Variants in DPP6 observed in about 807,000 individuals in gnomAD.
DPP6 encodes dipeptidyl peptidase like 6, also known as A-type potassium channel modulatory protein DPP6.
In DPP6, 69 loss-of-function variants were observed where a neutral mutation model predicts 122.6. The observed-to-expected ratio is 0.56, with a 90% CI of 0.46 to 0.69. The LOEUF (loss-of-function observed/expected upper bound fraction) is 0.69. Ranked by LOEUF, DPP6 falls within the 30% of genes least tolerant of loss-of-function variation. The pLI is 0.00. For synonymous variants in DPP6, 418 were observed against 433.1 expected, an observed-to-expected ratio of 0.97 and a Z score of 0.43; for missense variants, 928 against 1,116.9, an observed-to-expected ratio of 0.83 and a Z score of 2.41.
At chr7:154,770,297 G>A (rs760954368) in intron 9 of DPP6, among the ~76,000 whole-genome samples, 6 of 152,070 alleles carry the variant, frequency 3.9e-5, no homozygotes, top group Non-Finnish European at 7.4e-5. Flanking sequence ...AGTTTGTGCC[G>A]GGAAACTCAC....
chr7:154,496,422 T>C (rs1382921462), intron 3 of DPP6, among the ~76,000 whole-genome samples: 1 of 152,240 alleles, frequency 6.6e-6, no homozygotes, highest in African/African-American at 2.4e-5. Context: ...AGATTTTTTT[T>C]ACTATGTGAG....
At chr7:154,156,205 G>C (rs553261333) in intron 1 of DPP6, among the ~76,000 whole-genome samples, 1 of 152,388 alleles carries the variant, frequency 6.6e-6, no homozygotes, top group South Asian at 2.1e-4. Context: ...TCCCAGGAGA[G>C]TGGGGAGGTG....
intron 1 of DPP6, among the ~76,000 whole-genome samples, chr7:154,158,118 A>C (rs1796785009): frequency 6.7e-6 from 1 of 149,824 alleles, no homozygotes; most frequent in Admixed American, 6.7e-5. Flanking sequence ...ATTATGTTTC[A>C]ATTTTGGTTA....
intron 1 of DPP6, among the ~76,000 whole-genome samples, chr7:154,217,245 G>T (rs1258977737): frequency 1.3e-5 from 2 of 152,068 alleles, no homozygotes; most frequent in African/African-American, 4.8e-5. Context: ...TGGGAGCATT[G>T]GTGCGGGTTA....
intron 1 of DPP6, among the ~76,000 whole-genome samples, chr7:153,996,712 T>C (rs1395611029): frequency 1.3e-5 from 2 of 152,108 alleles, no homozygotes; most frequent in Middle Eastern, 3.2e-3. Flanking sequence ...TTTATGTTGT[T>C]GAATATTTAA....
intron 1 of DPP6, among the ~76,000 whole-genome samples, chr7:154,240,805 A>G (rs1484936606): frequency 6.6e-6 from 1 of 152,196 alleles, no homozygotes; most frequent in Non-Finnish European, 1.5e-5. Flanking sequence ...CTCTCCTCGG[A>G]ATATCAACAA....
chr7:154,575,416 ATGTGTGTGTGGTGTG>A (rs1831546981), intron 5 of DPP6, among the ~76,000 whole-genome samples: 5 of 35,880 alleles, frequency 1.4e-4, no homozygotes, highest in Admixed American at 4.0e-4. Context: ...GTGTTTGTGT[ATGTGTGTGTGGTGTG>A]TATGTGTGTG....
Position 154,668,197 on chromosome 7 carries a change from TTATATATA to T in DPP6, c.681-1148_681-1141del, listed in dbSNP as rs10668895. On this transcript the variant is annotated intron_variant, in intron 6 of 25. Transcript: ENST00000377770. ...GTGCATTCCCAGCTATGTGTATATT[TTATATATA>T]TATATATATATATAATATACACATT... Among the ~76,000 whole-genome samples the T allele has an allele frequency of 2.2e-4, 8 of 36,476 alleles. 1 individual carries two copies. Among genetic ancestry groups the T allele is most frequent in the East Asian group, 1.5e-3 (2 of 1,292 alleles). The allele number at this position is 36,476 out of a possible 152,430, so 23.9% of individuals were successfully genotyped here.
At chr7:154,274,780 G>A (rs1023371728) in intron 1 of DPP6, among the ~76,000 whole-genome samples, 1 of 152,226 alleles carries the variant, frequency 6.6e-6, no homozygotes, top group Non-Finnish European at 1.5e-5. Context: ...GGGAGGTCAT[G>A]AGTATAATTT....
At chr7:154,514,562 CT>C (rs1288196571) in intron 3 of DPP6, among the ~76,000 whole-genome samples, 1 of 152,162 alleles carries the variant, frequency 6.6e-6, no homozygotes, top group Non-Finnish European at 1.5e-5. Flanking sequence ...CCCCCAGCCC[CT>C]GCACCCACCA....
chr7:154,556,642 A>G (rs1395800051), intron 4 of DPP6, among the ~76,000 whole-genome samples: 1 of 152,194 alleles, frequency 6.6e-6, no homozygotes, highest in Non-Finnish European at 1.5e-5. Flanking sequence ...TCCTGAAGCT[A>G]TAAAAGATAG....
chr7:153,848,141 T>C, the DPP6 span, among the ~76,000 whole-genome samples: 2 of 152,174 alleles, frequency 1.3e-5, no homozygotes, highest in Admixed American at 1.3e-4. Flanking sequence ...TCACAGCGGC[T>C]GAGGCCCTGA....
intron 8 of DPP6, among the ~76,000 whole-genome samples, chr7:154,734,541 G>T (rs1210925343): frequency 3.3e-5 from 5 of 152,206 alleles, no homozygotes; most frequent in Non-Finnish European, 7.3e-5. Flanking sequence ...GAATTGGAAT[G>T]ATGTTCAAAT....
intron 5 of DPP6, among the ~76,000 whole-genome samples, chr7:154,592,619 A>AGGACAGCAG (rs1832867634): frequency 6.6e-6 from 1 of 151,882 alleles, no homozygotes; most frequent in South Asian, 2.1e-4. Context: ...TGTCTGGGGG[A>AGGACAGCAG]GGACGGCAGG....
At chr7:154,407,679 A>G (rs887396299) in intron 1 of DPP6, among the ~76,000 whole-genome samples, 3 of 152,244 alleles carry the variant, frequency 2.0e-5, no homozygotes, top group African/African-American at 7.2e-5. Flanking sequence ...TCTTTAAAAT[A>G]AAAGAAGACT....
At chr7:154,613,359 C>T (rs1489458588) in intron 5 of DPP6, among the ~76,000 whole-genome samples, 1 of 152,030 alleles carries the variant, frequency 6.6e-6, no homozygotes, top group Admixed American at 6.6e-5. Context: ...CTGTGGCTCA[C>T]GTATAATCCC....
At chr7:154,120,299 C>T (rs1807354223) in intron 1 of DPP6, among the ~76,000 whole-genome samples, 1 of 150,542 alleles carries the variant, frequency 6.6e-6, no homozygotes, top group Non-Finnish European at 1.5e-5. Context: ...GGCTGGAGTG[C>T]AGTGGTGTGA....
At chr7:154,884,311 C>T (rs1484686700) in intron 21 of DPP6, 1 of 59,690 alleles carries the variant, frequency 1.7e-5, no homozygotes, top group African/African-American at 9.8e-5. Flanking sequence ...TACACCTACT[C>T]ACACACACAT....
the DPP6 span, among the ~76,000 whole-genome samples, chr7:153,825,190 T>C: frequency 1.3e-5 from 2 of 152,214 alleles, no homozygotes; most frequent in African/African-American, 4.8e-5. Flanking sequence ...TTTGCATATA[T>C]CTCTTTCCTG....
Sources: gnomAD v4.1 joint callset for allele counts (sites outside exome capture counted in the v4.1 genomes callset) on GRCh38, gnomAD v4.1.1 for gene constraint, MANE v1.5 for transcripts, NCBI Gene and HGNC (gene_info 2026-07-23, HGNC 2026-07-21) for gene names.